The following DLG2 variants were observed in gnomAD, a reference collection of about 807,000 sequenced individuals.
DLG2 encodes disks large homolog 2.
DLG2 carries 45 observed loss-of-function variants against 132.5 expected under a neutral mutation model. That is an observed-to-expected ratio of 0.34 (90% CI 0.27 to 0.44). The LOEUF is 0.44. Ranked by LOEUF, DLG2 falls within the 20% of genes least tolerant of loss-of-function variation. DLG2 has a pLI of 1.00. For synonymous variants in DLG2, 424 were observed against 419.6 expected (o/e 1.01, Z -0.13); for missense variants, 1,045 against 1,196.9 (o/e 0.87, Z 1.87).
intron 4 of DLG2, among the ~76,000 whole-genome samples, chr11:85,195,208 G>A (rs1025369318): frequency 6.6e-6 from 1 of 152,206 alleles, no homozygotes; most frequent in African/African-American, 2.4e-5. Flanking sequence ...TAATCAGTAC[G>A]AATCTAGTTA....
At chr11:84,170,502 A>C (rs2095796693) in intron 8 of DLG2, among the ~76,000 whole-genome samples, 1 of 152,142 alleles carries the variant, frequency 6.6e-6, no homozygotes, top group Admixed American at 6.6e-5. Flanking sequence ...TATAGACTGC[A>C]GCAGCTGCAG....
intron 7 of DLG2, among the ~76,000 whole-genome samples, chr11:84,277,695 C>T (rs1378570161): frequency 1.3e-5 from 2 of 151,686 alleles, no homozygotes; most frequent in African/African-American, 4.9e-5. Flanking sequence ...CCAAAGTAGG[C>T]AAATGAAAGG....
intron 3 of DLG2, among the ~76,000 whole-genome samples, chr11:85,423,702 G>C (rs756534410): frequency 1.3e-5 from 2 of 152,102 alleles, no homozygotes; most frequent in Non-Finnish European, 2.9e-5. Flanking sequence ...GGTTGTCAGG[G>C]AAGTGGGGAA....
chr11:84,256,846 TA>T, intron 7 of DLG2, among the ~76,000 whole-genome samples: 1 of 152,238 alleles, frequency 6.6e-6, no homozygotes, highest in East Asian at 1.9e-4. Context: ...GTGATTTCAT[TA>T]TGAGAGGTGG....
intron 17 of DLG2, among the ~76,000 whole-genome samples, chr11:83,823,468 T>A (rs549515444): frequency 6.6e-6 from 1 of 152,318 alleles, no homozygotes; most frequent in South Asian, 2.1e-4. Context: ...TTCCTCTTAG[T>A]CAATTAGGAA....
intron 18 of DLG2, among the ~76,000 whole-genome samples, chr11:83,646,357 C>CAG (rs1555286926): frequency 1.3e-3 from 166 of 126,284 alleles, no homozygotes; most frequent in African/African-American, 2.0e-3. Context: ...AGATATGAAA[C>CAG]AGAGAGAGAG....
rs911735196 is a variant in DLG2, at chr11:85,109,159, C to T, written c.357+2502G>A. Among the ~76,000 whole-genome samples the T allele has an allele frequency of 2.6e-5, 4 of 152,100 alleles. No homozygotes were observed. In the East Asian group the frequency reaches 7.7e-4, roughly 29 times the overall value. On this transcript the variant is annotated intron_variant, in intron 6 of 27. Coordinates refer to ENST00000376104, the MANE Select transcript of DLG2 (RefSeq NM_001142699.3). ...GCTCACATAATCTAAACATGACCAT[C>T]GGGAGCCCACCTCTGTGGACTGGGG... is the stretch of plus-strand genomic sequence containing the variant.
intron 10 of DLG2, among the ~76,000 whole-genome samples, chr11:84,090,133 G>C (rs1404594315): frequency 6.6e-6 from 1 of 152,062 alleles, no homozygotes; most frequent in African/African-American, 2.4e-5. Flanking sequence ...GGTAACGCTG[G>C]CCAGGCGCGG....
intron 6 of DLG2, among the ~76,000 whole-genome samples, chr11:85,111,318 T>C (rs1372424610): frequency 6.6e-6 from 1 of 152,148 alleles, no homozygotes; most frequent in East Asian, 1.9e-4. Flanking sequence ...AGAGAGCATC[T>C]TTCTTCAAGG....
chr11:84,591,138 C>T (rs915194279), intron 6 of DLG2, among the ~76,000 whole-genome samples: 15 of 151,906 alleles, frequency 9.9e-5, no homozygotes, highest in Non-Finnish European at 2.1e-4. Flanking sequence ...AACGACCATA[C>T]TGTCATACTC....
chr11:84,550,112 CTA>C (rs2099398781), intron 6 of DLG2, among the ~76,000 whole-genome samples: 1 of 131,020 alleles, frequency 7.6e-6, no homozygotes, highest in Non-Finnish European at 1.6e-5. Context: ...TAAAACGAGC[CTA>C]TACACACACA....
At chr11:84,119,765 A>G (rs2093816875) in intron 9 of DLG2, among the ~76,000 whole-genome samples, 1 of 152,182 alleles carries the variant, frequency 6.6e-6, no homozygotes, top group South Asian at 2.1e-4. Flanking sequence ...GAATCTTTTT[A>G]TATTTGGCTT....
intron 6 of DLG2, among the ~76,000 whole-genome samples, chr11:84,927,065 T>G (rs1462520728): frequency 6.6e-6 from 1 of 152,054 alleles, no homozygotes; most frequent in Non-Finnish European, 1.5e-5. Flanking sequence ...AATTTAAACC[T>G]ATCTACATAT....
At chr11:84,020,959 A>C (rs1311192651) in intron 11 of DLG2, among the ~76,000 whole-genome samples, 1 of 152,200 alleles carries the variant, frequency 6.6e-6, no homozygotes, top group East Asian at 1.9e-4. Flanking sequence ...AGCTGGGCCC[A>C]CACACTTTCT....
At chr11:83,640,384 C>T (rs909868505) in intron 18 of DLG2, among the ~76,000 whole-genome samples, 3 of 152,070 alleles carry the variant, frequency 2.0e-5, no homozygotes, top group African/African-American at 2.4e-5. Flanking sequence ...CTGGATGTGA[C>T]CCTCATTGTC....
intron 8 of DLG2, among the ~76,000 whole-genome samples, chr11:84,183,019 C>T (rs2096181804): frequency 1.3e-5 from 2 of 152,014 alleles, no homozygotes; most frequent in Admixed American, 1.3e-4. Flanking sequence ...TGAAAGACAC[C>T]ATGTACCACA....
intron 8 of DLG2, among the ~76,000 whole-genome samples, chr11:84,208,406 C>T (rs1288088537): frequency 6.9e-6 from 1 of 144,458 alleles, no homozygotes. Context: ...TTCAGTGGTG[C>T]AATCTCAGCC....
In DLG2 at chr11:85,122,940, G is replaced by GTATATATATTA. The variant is rs1410544502; in HGVS notation, c.283-11216_283-11206dup. ...CACACACATGCATGTATGTGTGTCT[G>GTATATATATTA]TATATATATTATATATATATATATA... On this transcript the variant is annotated intron_variant, in intron 5 of 27. Coordinates refer to ENST00000376104, the MANE Select transcript of DLG2 (RefSeq NM_001142699.3). Among the ~76,000 whole-genome samples the GTATATATATTA allele has an allele frequency of 9.4e-4, 45 of 47,680 alleles. 2 individuals carry two copies. The highest frequency in any genetic ancestry group is 0.016 in the Middle Eastern group (1 of 64). 31.3% of individuals were successfully genotyped at this position (47,680 alleles called of 152,430 possible).
chr11:84,222,353 T>C (rs1477645141), intron 8 of DLG2, among the ~76,000 whole-genome samples: 1 of 152,170 alleles, frequency 6.6e-6, no homozygotes, highest in Non-Finnish European at 1.5e-5. Context: ...TTTATATAAA[T>C]ATTACTTTCT....
Sources: gnomAD v4.1 joint callset for allele counts (sites outside exome capture counted in the v4.1 genomes callset) on GRCh38, gnomAD v4.1.1 for gene constraint, MANE v1.5 for transcripts, NCBI Gene and HGNC (gene_info 2026-07-23, HGNC 2026-07-21) for gene names.